The following RMDN3 variants were observed in gnomAD, a reference collection of about 807,000 sequenced individuals.
RMDN3 encodes regulator of microtubule dynamics protein 3.
A neutral mutation model predicts 61.8 loss-of-function variants in RMDN3; 41 were observed. That is an observed-to-expected ratio of 0.66 (90% CI 0.52 to 0.86). The LOEUF (loss-of-function observed/expected upper bound fraction) is 0.86. Among genes scored for constraint, RMDN3 ranks in the 40% least tolerant of loss-of-function variants. The pLI is 0.00. For synonymous variants in RMDN3, 247 were observed against 232.0 expected, an observed-to-expected ratio of 1.06 and a Z score of -0.59; for missense variants, 557 against 585.3, an observed-to-expected ratio of 0.95 and a Z score of 0.50.
intron 6 of RMDN3, among the ~76,000 whole-genome samples, chr15:40,741,620 A>ATTTGTTTTTTTTTTTTTTTTTTTTTTT (rs1897282997): frequency 1.4e-5 from 1 of 71,724 alleles, no homozygotes; most frequent in African/African-American, 5.3e-5. Context: ...GCAACATAGG[A>ATTTGTTTTTTTTTTTTTTTTTTTTTTT]TTTTTTTTTT....
chr15:40,744,868 G>T, intron 5 of RMDN3, 109 bp downstream of exon 5: 2 of 1,201,502 alleles, frequency 1.7e-6, no homozygotes, highest in African/African-American at 1.5e-5. Context: ...CTCGTCCCAT[G>T]TCACCTTGTA....
At chr15:40,736,778 T>C (rs562614212) in intron 12 of RMDN3, among the ~76,000 whole-genome samples, 184 bp from the exon 13 acceptor site, 17 of 152,304 alleles carry the variant, frequency 1.1e-4, no homozygotes, top group African/African-American at 3.6e-4. Flanking sequence ...GACTCTTTTT[T>C]ACTAGGGAAA....
intron 2 of RMDN3, among the ~76,000 whole-genome samples, chr15:40,753,333 G>T (rs911439097): frequency 6.6e-6 from 1 of 152,078 alleles, no homozygotes; most frequent in Non-Finnish European, 1.5e-5. Context: ...CCAACATGGG[G>T]AAACCCCATC....
At chr15:40,744,181 T>C in intron 5 of RMDN3, 32 bp from the exon 6 acceptor site, 10 of 1,589,250 alleles carry the variant, frequency 6.3e-6, no homozygotes, top group Non-Finnish European at 7.8e-6. Context: ...GTGAGGCCCC[T>C]TTTTCCTCAA....
chr15:40,737,691 A>G lies in RMDN3; in HGVS notation c.1161T>C (p.Ala387=). ...SHLSWLEKKT[A]TALLESPLSA... ...TGAGAGGGCTTTCAAGCAAGGCTGT[A>G]GCAGTTTTTTTTTCTAGCCAGCTCA... The change falls in exon 10 of 13, where the codon GCT becomes GCC. Residue 387 remains alanine, a synonymous_variant. Coordinates refer to ENST00000338376, the MANE Select transcript of RMDN3 (RefSeq NM_018145.3). 6.2e-7 allele frequency: 1 copy of G among 1,614,150 alleles called. No individual in the cohort carries two copies. Among genetic ancestry groups the G allele is most frequent in the Non-Finnish European group, 8.5e-7 (1 of 1,180,028 alleles).
At chr15:40,738,071 C>T (rs577185516) in intron 8 of RMDN3, 29 bp from the exon 9 acceptor site, 1 of 1,608,424 alleles carries the variant, frequency 6.2e-7, no homozygotes, top group Admixed American at 1.7e-5. Context: ...TATAAACTAA[C>T]ATCAGACACC....
In RMDN3 at chr15:40,744,004, G is replaced by C. The variant is rs751386085; in HGVS notation, c.910+43C>G. 9 of 1,545,168 alleles carry C rather than the reference G, an allele frequency of 5.8e-6. No homozygotes were observed. In the African/African-American group the frequency reaches 8.2e-5, roughly 14 times the overall value. ...AGGCAGATGGGCCAGCCCCACCCCT[G>C]AATCAGTCAGTCACCTTCCCACAGG... On this transcript the variant is annotated intron_variant, in intron 6 of 12. Transcript: ENST00000338376.
Position 40,737,611 on chromosome 15 carries a change from A to G in RMDN3, c.1224+17T>C, listed in dbSNP as rs755490824. 1 of 1,604,834 alleles carries G rather than the reference A, an allele frequency of 6.2e-7. No homozygotes were observed. Among genetic ancestry groups the G allele is most frequent in the East Asian group, 2.2e-5 (1 of 44,852 alleles). The stretch of plus-strand genomic sequence containing the variant: ...GGTTACCCTGGTGTTTTTGCCTGCC[A>G]CCTGCCCCTCTCATACCTTTAGGAA... On this transcript the variant is annotated intron_variant, in intron 10 of 12. Coordinates refer to ENST00000338376, the MANE Select transcript of RMDN3 (RefSeq NM_018145.3).
At chr15:40,743,191 T>A (rs1215622420) in intron 6 of RMDN3, among the ~76,000 whole-genome samples, 2 of 152,036 alleles carry the variant, frequency 1.3e-5, no homozygotes, top group Non-Finnish European at 2.9e-5. Context: ...GAGGCCTAGG[T>A]GGGTGAATCA....
At chr15:40,744,912 G>A (rs1290950822) in intron 5 of RMDN3, 65 bp downstream of exon 5, 3 of 1,481,492 alleles carry the variant, frequency 2.0e-6, no homozygotes, top group Admixed American at 5.0e-5. Context: ...CATTCCCCAG[G>A]GGTCAGGAAC....
rs773718932 is a variant in RMDN3 at position 40,738,570 on chromosome 15, C to A, written c.978G>T (p.Ala326=). Residue 326 remains alanine, a synonymous_variant, in exon 8 of 13, where the codon GCG becomes GCT. Transcript: ENST00000338376. The part of the protein sequence containing the change: ...DESADCHLWY[A]VLCGQLAEHE... ...GCTCAGCCAGCTGACCACAAAGCAC[C>A]GCATACCTAGGGGGGAAGCAGCAAG... The A allele has an allele frequency of 2.5e-6, 4 of 1,614,086 alleles. No individual in the cohort carries two copies. The highest frequency in any genetic ancestry group is 3.4e-6 in the Non-Finnish European group (4 of 1,180,012).
intron 4 of RMDN3, 60 bp from the exon 5 acceptor site, chr15:40,745,319 G>C (rs78037363): frequency 3.2e-6 from 5 of 1,541,602 alleles, no homozygotes; most frequent in East Asian, 2.3e-5. Context: ...CCTAGGGTCT[G>C]TCTATCCCTC....
At chr15:40,748,720 C>T (rs1023559273) in intron 4 of RMDN3, among the ~76,000 whole-genome samples, 1 of 152,110 alleles carries the variant, frequency 6.6e-6, no homozygotes, top group Non-Finnish European at 1.5e-5. Flanking sequence ...CTGCCTCAGC[C>T]TCCGGAATAG....
chr15:40,750,011 T>A (rs1897744383), intron 4 of RMDN3, among the ~76,000 whole-genome samples: 1 of 152,122 alleles, frequency 6.6e-6, no homozygotes, highest in Non-Finnish European at 1.5e-5. Context: ...ACTGCGCATA[T>A]CAGTGGGTGC....
Position 40,738,565 on chromosome 15 carries a change from A to G in RMDN3, c.983T>C (p.Leu328Pro). The G allele has an allele frequency of 6.2e-7, 1 of 1,614,102 alleles. No homozygotes were observed. The highest frequency in any genetic ancestry group is 1.3e-5 in the African/African-American group (1 of 75,014). Residue 328 changes from leucine to proline, a missense_variant, in exon 8 of 13, where the codon CTT becomes CCT. By Grantham distance (98) the Leu-to-Pro change is moderately conservative (BLOSUM62 -3). Coordinates refer to ENST00000338376, the MANE Select transcript of RMDN3 (RefSeq NM_018145.3). ...SADCHLWYAV[L>P]CGQLAEHESI... ...CTCATGCTCAGCCAGCTGACCACAA[A>G]GCACCGCATACCTAGGGGGGAAGCA...
chr15:40,737,791 G>C, intron 9 of RMDN3, 65 bp from the exon 10 acceptor site: 1 of 1,546,868 alleles, frequency 6.5e-7, no homozygotes, highest in Non-Finnish European at 8.9e-7. Context: ...TAAATCTTTG[G>C]GGATATATTG....
intron 6 of RMDN3, among the ~76,000 whole-genome samples, chr15:40,741,620 A>ATTTTTTTTTTTTTTTTTTTTTTTTTTTT (rs553262858): frequency 1.3e-4 from 9 of 71,734 alleles, no homozygotes; most frequent in East Asian, 6.2e-4. Flanking sequence ...GCAACATAGG[A>ATTTTTTTTTTTTTTTTTTTTTTTTTTTT]TTTTTTTTTT....
intron 2 of RMDN3, among the ~76,000 whole-genome samples, chr15:40,752,953 TCCAATAATGC>T (rs1897890698): frequency 6.6e-6 from 1 of 152,060 alleles, no homozygotes; most frequent in African/African-American, 2.4e-5. Context: ...ACAACATACA[TCCAATAATGC>T]TCAAGAATGT....
At chr15:40,740,281 C>G (rs1897228751) in intron 6 of RMDN3, 88 bp from the exon 7 acceptor site, 1 of 862,188 alleles carries the variant, frequency 1.2e-6, no homozygotes, top group Non-Finnish European at 1.9e-6. Context: ...TGCTTTAGCT[C>G]TCACCAATCC....
Sources: gnomAD v4.1 joint callset for allele counts (sites outside exome capture counted in the v4.1 genomes callset) on GRCh38, gnomAD v4.1.1 for gene constraint, MANE v1.5 for transcripts, NCBI Gene and HGNC (gene_info 2026-07-23, HGNC 2026-07-21) for gene names.